RABGAP1L: variants seen among roughly 807,000 people sequenced by gnomAD.
The protein encoded by RABGAP1L is RAB GTPase activating protein 1 like.
RABGAP1L carries 63 observed loss-of-function variants against 137.7 expected under a neutral mutation model. The ratio of observed to expected loss-of-function variants is 0.46; its 90% CI spans 0.37 to 0.56. The LOEUF (loss-of-function observed/expected upper bound fraction) is 0.56, where lower values mean the gene tolerates loss of function less well. Ranked by LOEUF, RABGAP1L falls within the 20% of genes least tolerant of loss-of-function variation. The probability of loss-of-function intolerance (pLI) is 0.00; values close to 1 mark genes in which losing one functional copy is unlikely to be tolerated. For synonymous variants in RABGAP1L, 431 were observed against 433.7 expected, an observed-to-expected ratio of 0.99 and a Z score of 0.08; for missense variants, 1,095 against 1,244.0, an observed-to-expected ratio of 0.88 and a Z score of 1.80.
chr1:174,577,055 C>A (rs1410334830), intron 13 of RABGAP1L, among the ~76,000 whole-genome samples: 1 of 152,020 alleles, frequency 6.6e-6, no homozygotes, highest in Non-Finnish European at 1.5e-5. Flanking sequence ...TTGTGGCATG[C>A]ACCTATAGTC....
intron 13 of RABGAP1L, among the ~76,000 whole-genome samples, chr1:174,569,399 G>T (rs901894544): frequency 7.9e-5 from 12 of 152,110 alleles, no homozygotes; most frequent in African/African-American, 2.9e-4. Flanking sequence ...AGGGCTGCAC[G>T]GTAGAATGGT....
At chr1:174,269,498 A>AT (rs1674374048) in intron 7 of RABGAP1L, among the ~76,000 whole-genome samples, 1 of 152,196 alleles carries the variant, frequency 6.6e-6, no homozygotes, top group Admixed American at 6.5e-5. Flanking sequence ...GGGCAAAACC[A>AT]TTGTTTTTGA....
chr1:174,866,110 GGAGAGAGAGAGAGAGAGAGAGAGAGA>G (rs34712612), intron 19 of RABGAP1L, among the ~76,000 whole-genome samples: 18 of 65,818 alleles, frequency 2.7e-4, no homozygotes, highest in African/African-American at 6.9e-4. Flanking sequence ...GGAGGGAGGG[GGAGAGAGAGAGAGAGAGAGAGAGAGA>G]GAGAGAGAGA....
intron 1 of RABGAP1L, among the ~76,000 whole-genome samples, chr1:174,205,570 A>C (rs1668451152): frequency 6.6e-6 from 1 of 152,050 alleles, no homozygotes; most frequent in Non-Finnish European, 1.5e-5. Flanking sequence ...GTTTGTATGC[A>C]TAGAGGTGTC....
At chr1:174,707,702 C>T (rs909770194) in intron 17 of RABGAP1L, among the ~76,000 whole-genome samples, 1 of 152,150 alleles carries the variant, frequency 6.6e-6, no homozygotes, top group Non-Finnish European at 1.5e-5. Flanking sequence ...TAACATTGCC[C>T]TGCAGTCTGC....
chr1:174,935,056 T>G (rs1015673102), intron 19 of RABGAP1L: 3 of 152,212 alleles, frequency 2.0e-5, no homozygotes, highest in Admixed American at 2.0e-4. Context: ...GTATGTTACT[T>G]GCTTAGATTC....
chr1:174,330,884 A>G (rs185019164), intron 11 of RABGAP1L, among the ~76,000 whole-genome samples: 215 of 152,340 alleles, frequency 1.4e-3, no homozygotes, highest in African/African-American at 4.5e-3. Context: ...AGGCCAAGCA[A>G]TCTTGAGCAA....
chr1:174,219,093 G>GTT (rs375410689), intron 1 of RABGAP1L, 32 bp from the exon 2 acceptor site: 126 of 1,116,510 alleles, frequency 1.1e-4, no homozygotes, highest in South Asian at 2.1e-4. Context: ...TAATCAGTAG[G>GTT]TTTTTTTTTT....
At chr1:174,323,544 G>T (rs1004526488) in intron 11 of RABGAP1L, among the ~76,000 whole-genome samples, 4 of 151,944 alleles carry the variant, frequency 2.6e-5, no homozygotes, top group Admixed American at 2.0e-4. Flanking sequence ...ACTTCTGATA[G>T]AAAGATATAA....
chr1:174,523,653 C>G (rs1007457528), intron 13 of RABGAP1L, among the ~76,000 whole-genome samples: 2 of 152,152 alleles, frequency 1.3e-5, no homozygotes, highest in African/African-American at 2.4e-5. Flanking sequence ...GTCCCCTCTT[C>G]TAGTGGTTTT....
chr1:174,621,714 A>G (rs1337950485), intron 13 of RABGAP1L, among the ~76,000 whole-genome samples: 1 of 152,232 alleles, frequency 6.6e-6, no homozygotes, highest in Non-Finnish European at 1.5e-5. Context: ...AAGATGGATT[A>G]AAGACTTAAA....
intron 15 of RABGAP1L, among the ~76,000 whole-genome samples, chr1:174,687,571 A>G (rs1209255703): frequency 6.6e-6 from 1 of 152,180 alleles, no homozygotes; most frequent in African/African-American, 2.4e-5. Flanking sequence ...TTTATTTTTT[A>G]CTATATTTTT....
chr1:174,283,582 C>G lies in RABGAP1L; in HGVS notation c.1323+4803C>G, dbSNP rs540966762. On this transcript the variant is annotated intron_variant, in intron 10 of 25. Transcript: ENST00000681986. ...AGTGCAGTGGCACCATCCCAGCTCA[C>G]TGCAACCTCTGCCTCCCAGGTTCCA... Among the ~76,000 whole-genome samples the G allele has an allele frequency of 4.6e-5, 7 of 152,108 alleles. 1 individual carries two copies. In the South Asian group the frequency reaches 1.2e-3, roughly 27 times the overall value.
At chr1:174,918,780 A>G (rs1558231692) in intron 19 of RABGAP1L, among the ~76,000 whole-genome samples, 2 of 151,768 alleles carry the variant, frequency 1.3e-5, no homozygotes, top group East Asian at 3.9e-4. Flanking sequence ...TTTTTTCAAA[A>G]AAGAAGAAAA....
At chr1:174,272,326 A>G (rs1160219254) in intron 7 of RABGAP1L, 88 bp from the exon 8 acceptor site, 2 of 1,359,040 alleles carry the variant, frequency 1.5e-6, no homozygotes, top group Non-Finnish European at 1.0e-6. Flanking sequence ...CTCAGATTGT[A>G]TAGTTATTGT....
At chr1:174,533,124 G>C (rs1468576478) in intron 13 of RABGAP1L, among the ~76,000 whole-genome samples, 4 of 152,130 alleles carry the variant, frequency 2.6e-5, no homozygotes, top group African/African-American at 4.8e-5. Context: ...ATCCCACCTA[G>C]TCGGGAGACT....
At chr1:174,774,512 TGACAGAG>T (rs1686372027) in intron 18 of RABGAP1L, among the ~76,000 whole-genome samples, 2 of 151,698 alleles carry the variant, frequency 1.3e-5, no homozygotes, top group African/African-American at 4.8e-5. Flanking sequence ...CAGCCCTGGG[TGACAGAG>T]TGAGATCCTG....
chr1:174,518,474 T>A (rs1236769316), intron 13 of RABGAP1L, among the ~76,000 whole-genome samples: 1 of 152,224 alleles, frequency 6.6e-6, no homozygotes, highest in Non-Finnish European at 1.5e-5. Flanking sequence ...TTAAGTGTAT[T>A]TTTGTTTGTA....
At chr1:174,351,098 GA>G (rs1683142715) in intron 11 of RABGAP1L, among the ~76,000 whole-genome samples, 1 of 114,794 alleles carries the variant, frequency 8.7e-6, no homozygotes, top group South Asian at 3.8e-4. Flanking sequence ...GGGGGAGGGG[GA>G]GGGGTTGTTT....
Sources: allele counts gnomAD v4.1 joint callset (sites outside exome capture counted in the v4.1 genomes callset), GRCh38; gene constraint gnomAD v4.1.1; transcripts MANE v1.5; gene names NCBI Gene and HGNC (gene_info 2026-07-23, HGNC 2026-07-21).